Variants in OSBPL10 observed in about 807,000 individuals in gnomAD.
OSBPL10 encodes oxysterol-binding protein-related protein 10.
A neutral mutation model predicts 81.7 loss-of-function variants in OSBPL10; 49 were observed. That is an observed-to-expected ratio of 0.60 (90% CI 0.48 to 0.76). The LOEUF (loss-of-function observed/expected upper bound fraction) is 0.76, where lower values mean the gene tolerates loss of function less well. OSBPL10 is among the 30% of genes least tolerant of loss of function. The pLI is 0.00. For synonymous variants in OSBPL10, 419 were observed against 383.6 expected (o/e 1.09, Z -1.08); for missense variants, 923 against 987.8 (o/e 0.93, Z 0.88).
intron 2 of OSBPL10, among the ~76,000 whole-genome samples, chr3:32,020,602 A>G (rs1051408422): frequency 1.3e-5 from 2 of 152,236 alleles, no homozygotes; most frequent in Admixed American, 6.5e-5. Flanking sequence ...GTAATTGCGT[A>G]CAAGTCTTTG....
chr3:31,738,547 G>C (rs1243742350), intron 5 of OSBPL10, among the ~76,000 whole-genome samples: 1 of 152,172 alleles, frequency 6.6e-6, no homozygotes, highest in African/African-American at 2.4e-5. Flanking sequence ...TCCCCGGTAA[G>C]AATGGCCAAC....
chr3:31,863,211 G>C (rs9842207), intron 3 of OSBPL10, among the ~76,000 whole-genome samples: 20,200 of 152,090 alleles, frequency 0.13, 4,128 homozygotes, highest in African/African-American at 0.44. Flanking sequence ...ATATCCAAAA[G>C]AGGCAAATCC....
intron 6 of OSBPL10, chr3:31,721,536 G>C (rs1393441413): frequency 6.6e-6 from 1 of 152,160 alleles, no homozygotes; most frequent in Non-Finnish European, 1.5e-5. Flanking sequence ...CAGCAACAGA[G>C]CTACCCTGAT....
At chr3:31,770,541 C>T (rs1000709989) in intron 4 of OSBPL10, among the ~76,000 whole-genome samples, 1 of 152,142 alleles carries the variant, frequency 6.6e-6, no homozygotes, top group Non-Finnish European at 1.5e-5. Flanking sequence ...AATCTCAACA[C>T]TTTGGGAGGC....
At chr3:32,009,587 A>C (rs1482143662) in intron 2 of OSBPL10, among the ~76,000 whole-genome samples, 1 of 152,220 alleles carries the variant, frequency 6.6e-6, no homozygotes, top group Non-Finnish European at 1.5e-5. Flanking sequence ...GGTGAAATTT[A>C]AGATGGGGAA....
chr3:31,974,791 G>A (rs1461163047), intron 1 of OSBPL10, among the ~76,000 whole-genome samples: 2 of 152,128 alleles, frequency 1.3e-5, no homozygotes, highest in African/African-American at 2.4e-5. Flanking sequence ...CTTAATCTGG[G>A]TGTGTTCCAT....
intron 1 of OSBPL10, among the ~76,000 whole-genome samples, chr3:31,904,117 C>T (rs1445312282): frequency 2.6e-5 from 4 of 152,224 alleles, no homozygotes; most frequent in Non-Finnish European, 2.9e-5. Context: ...CTGCCTCTTC[C>T]GGCCACTCTG....
At chr3:31,681,101 A>G (rs1457093743) in intron 8 of OSBPL10, among the ~76,000 whole-genome samples, 1 of 152,214 alleles carries the variant, frequency 6.6e-6, no homozygotes, top group Non-Finnish European at 1.5e-5. Context: ...GGGTGACCCA[A>G]GATCATCCTG....
At chr3:32,041,130 A>T (rs892189749) in intron 2 of OSBPL10, among the ~76,000 whole-genome samples, 1 of 151,934 alleles carries the variant, frequency 6.6e-6, no homozygotes, top group African/African-American at 2.4e-5. Flanking sequence ...TGCCACATAC[A>T]CCCCATGCCA....
chr3:31,948,531 C>T (rs573908524), intron 1 of OSBPL10, among the ~76,000 whole-genome samples: 1 of 152,274 alleles, frequency 6.6e-6, no homozygotes, highest in Admixed American at 6.5e-5. Context: ...CGACCACACT[C>T]GAGCAATAAA....
chr3:32,034,441 G>GA (rs1213434835), intron 2 of OSBPL10, among the ~76,000 whole-genome samples: 1 of 23,358 alleles, frequency 4.3e-5, no homozygotes, highest in South Asian at 3.1e-3. Context: ...ACCCTGTAGC[G>GA]GAAAAAAAAA....
intron 4 of OSBPL10, among the ~76,000 whole-genome samples, chr3:31,765,358 A>G (rs577346391): frequency 6.6e-6 from 1 of 151,996 alleles, no homozygotes; most frequent in African/African-American, 2.4e-5. Context: ...TTATGTTACT[A>G]ATTTGTTAAT....
At chr3:31,989,103 G>T in intron 2 of OSBPL10, 1 of 1,614,078 alleles carries the variant, frequency 6.2e-7, no homozygotes, top group Non-Finnish European at 8.5e-7. Flanking sequence ...AAGCAGCTCA[G>T]AAGAGGAAAG....
At chr3:31,825,529 G>A (rs1392331480) in intron 4 of OSBPL10, among the ~76,000 whole-genome samples, 3 of 152,018 alleles carry the variant, frequency 2.0e-5, no homozygotes, top group Non-Finnish European at 4.4e-5. Flanking sequence ...TGTTGCCAGG[G>A]CTGGTCTTGA....
At chr3:32,041,749 C>T (rs1257588902) in intron 2 of OSBPL10, among the ~76,000 whole-genome samples, 1 of 152,116 alleles carries the variant, frequency 6.6e-6, no homozygotes, top group Non-Finnish European at 1.5e-5. Flanking sequence ...CCTCCACCTC[C>T]CAGGTTCCAG....
chr3:31,935,174 G>C (rs1028902909), intron 1 of OSBPL10, among the ~76,000 whole-genome samples: 4 of 152,126 alleles, frequency 2.6e-5, no homozygotes, highest in Non-Finnish European at 5.9e-5. Flanking sequence ...TATTTCACTG[G>C]CTGCTACTGT....
In OSBPL10 at chr3:31,830,193, G is replaced by T; in HGVS notation, c.576C>A (p.Leu192=). The T allele has an allele frequency of 6.2e-7, 1 of 1,614,056 alleles. No individual in the cohort carries two copies. Among genetic ancestry groups the T allele is most frequent in the South Asian group, 1.1e-5 (1 of 91,056 alleles). Residue 192 remains leucine (L), a synonymous_variant, in exon 4 of 12, where the codon CTC becomes CTA. Transcript: ENST00000396556. ...ACGCAGAATTGGGTGTTCCATGTGGGAGCAAAGTGAGACTTCGGCTTCGGG... is the reference window on the plus strand; with the variant it reads ...ACGCAGAATTGGGTGTTCCATGTGGTAGCAAAGTGAGACTTCGGCTTCGGG... ...PSSRSRSLTL[L]PHGTPNSASP...
chr3:31,715,808 T>C (rs17028082), intron 6 of OSBPL10, among the ~76,000 whole-genome samples: 2,229 of 152,344 alleles, frequency 0.015, 35 homozygotes, highest in South Asian at 0.036. Context: ...TTATGCTTTG[T>C]GCTGGGTGAT....
chr3:31,706,723 G>A (rs1332059387), intron 6 of OSBPL10, among the ~76,000 whole-genome samples: 1 of 152,148 alleles, frequency 6.6e-6, no homozygotes, highest in Non-Finnish European at 1.5e-5. Context: ...CAATACAAAT[G>A]CAGATTTCAA....
Sources: allele counts gnomAD v4.1 joint callset (sites outside exome capture counted in the v4.1 genomes callset), GRCh38; gene constraint gnomAD v4.1.1; transcripts MANE v1.5; gene names NCBI Gene and HGNC (gene_info 2026-07-23, HGNC 2026-07-21).